SULF1: variants seen among roughly 807,000 people sequenced by gnomAD.
SULF1 encodes sulfatase 1.
SULF1 carries 46 observed loss-of-function variants against 110.5 expected under a neutral mutation model. That is an observed-to-expected ratio of 0.42 (90% CI 0.33 to 0.53). The LOEUF (loss-of-function observed/expected upper bound fraction) is 0.53, where lower values mean the gene tolerates loss of function less well. Among genes scored for constraint, SULF1 ranks in the 20% least tolerant of loss-of-function variants. The pLI is 0.12. For synonymous variants in SULF1, 371 were observed against 387.1 expected (o/e 0.96, Z 0.49); for missense variants, 941 against 1,094.2 (o/e 0.86, Z 1.98).
intron 19 of SULF1, among the ~76,000 whole-genome samples, chr8:69,635,553 T>C (rs1190838905): frequency 6.6e-6 from 1 of 152,226 alleles, no homozygotes; most frequent in East Asian, 1.9e-4. Flanking sequence ...TGATACTACA[T>C]AGGATAGCAG....
At chr8:69,485,257 G>T (rs536693375) in intron 1 of SULF1, among the ~76,000 whole-genome samples, 2 of 152,056 alleles carry the variant, frequency 1.3e-5, no homozygotes, top group Admixed American at 1.3e-4. Flanking sequence ...TTTACCTACC[G>T]CCCTTCCCAC....
chr8:69,633,474 G>A (rs189088584), intron 19 of SULF1, among the ~76,000 whole-genome samples: 47 of 151,354 alleles, frequency 3.1e-4, no homozygotes, highest in African/African-American at 9.2e-4. Flanking sequence ...GATTACAGGC[G>A]GCCACCACCA....
chr8:69,604,924 C>A lies in SULF1; in HGVS notation c.1369C>A (p.Pro457Thr). The change falls in exon 13 of 23, where the codon CCG (proline) becomes ACG (threonine). Residue 457 changes from proline (P) to threonine (T), a missense_variant. Pro to Thr is a conservative substitution (Grantham distance 38). Coordinates refer to ENST00000402687, the MANE Select transcript of SULF1 (RefSeq NM_001128205.2). ...QARYQTACEQ[P>T]GQKWQCIEDT... is the part of the protein sequence containing the mutation. ...CAGGTACCAGACAGCCTGTGAACAA[C>A]CGGGGCAGGTGAGTGACGCAGGCTT... The A allele has an allele frequency of 1.9e-6, 3 of 1,614,148 alleles. No homozygotes were observed. Among genetic ancestry groups the A allele is most frequent in the Non-Finnish European group, 1.7e-6 (2 of 1,180,018 alleles).
intron 13 of SULF1, among the ~76,000 whole-genome samples, chr8:69,611,513 T>G (rs1808654565): frequency 6.6e-6 from 1 of 152,142 alleles, no homozygotes; most frequent in South Asian, 2.1e-4. Flanking sequence ...TAATTCATAT[T>G]TGTGAGAGAA....
intron 5 of SULF1, among the ~76,000 whole-genome samples, chr8:69,565,579 C>G (rs1336930040): frequency 1.3e-5 from 2 of 152,110 alleles, no homozygotes; most frequent in Non-Finnish European, 2.9e-5. Flanking sequence ...CTCATCTTTC[C>G]CAGTTTTTCC....
intron 21 of SULF1, among the ~76,000 whole-genome samples, chr8:69,640,005 C>T (rs1448705469): frequency 6.6e-6 from 1 of 151,892 alleles, no homozygotes; most frequent in East Asian, 1.9e-4. Flanking sequence ...GTCACTGACC[C>T]CACTCGGCTC....
chr8:69,527,310 A>G (rs962327095), intron 3 of SULF1, among the ~76,000 whole-genome samples: 2 of 152,142 alleles, frequency 1.3e-5, no homozygotes, highest in Non-Finnish European at 2.9e-5. Flanking sequence ...AAATAACACT[A>G]GCAGACAGAT....
At position 69,523,057 on chromosome 8, in the gene SULF1, C is replaced by T. The variant is rs1462014893; in HGVS notation, c.-134+21089C>T. On this transcript the variant is annotated intron_variant, in intron 3 of 22. Coordinates refer to ENST00000402687, the MANE Select transcript of SULF1 (RefSeq NM_001128205.2). The stretch of plus-strand genomic sequence containing the variant: ...ATAACCACCTGTTTATATGGTAACA[C>T]GAGTGATATAATTTTGAGGAGAAGC... 2.6e-5 allele frequency among the ~76,000 whole-genome samples: 4 copies of T among 151,998 alleles called. No homozygotes were observed. In the East Asian group the frequency reaches 7.7e-4, roughly 29 times the overall value.
chr8:69,624,686 C>T (rs918388742), intron 15 of SULF1, among the ~76,000 whole-genome samples: 12 of 152,154 alleles, frequency 7.9e-5, no homozygotes, highest in Admixed American at 2.6e-4. Context: ...AGAGACGCTT[C>T]CAGAGAGATG....
intron 3 of SULF1, among the ~76,000 whole-genome samples, chr8:69,506,811 G>A (rs1811229086): frequency 6.6e-6 from 1 of 152,166 alleles, no homozygotes; most frequent in South Asian, 2.1e-4. Flanking sequence ...ATGAGGGTGG[G>A]GACTGGGGGA....
rs111925567 is a variant in SULF1, at chr8:69,645,165, C to T, written c.2585+4324C>T. ...TAGGCACCAAAATCCAGCCAAAGCT[C>T]GGCCATGAGAGCTGGGTAGCGGCAG... is the stretch of plus-strand genomic sequence containing the variant. On this transcript the variant is annotated intron_variant, in intron 22 of 22. Coordinates refer to ENST00000402687, the MANE Select transcript of SULF1 (RefSeq NM_001128205.2). Among the ~76,000 whole-genome samples the T allele has an allele frequency of 6.7e-3, 1,021 of 152,250 alleles. 16 individuals are homozygous for T. Among genetic ancestry groups the T allele is most frequent in the African/African-American group, 0.024 (982 of 41,558 alleles).
intron 3 of SULF1, among the ~76,000 whole-genome samples, chr8:69,520,208 TATC>T (rs1421515394): frequency 6.6e-6 from 1 of 151,930 alleles, no homozygotes; most frequent in Admixed American, 6.6e-5. Flanking sequence ...ATATTGTTAT[TATC>T]AATCACACAG....
rs889466589 is a variant in SULF1, at chr8:69,659,014, G to A, written c.*479G>A. The A allele has an allele frequency of 4.2e-5, 19 of 457,186 alleles. No individual in the cohort carries two copies. The highest frequency in any genetic ancestry group is 1.6e-4 in the African/African-American group (8 of 50,116). 28.3% of individuals were successfully genotyped at this position (457,186 alleles called of 1,614,324 possible). ...TGAAGAGACTAATCATCTGGAAACCGATTTCAGTGGCGATGGCATGACAGA... is the reference window on the plus strand; with the variant it reads ...TGAAGAGACTAATCATCTGGAAACCAATTTCAGTGGCGATGGCATGACAGA... On this transcript the variant is annotated 3_prime_UTR_variant, in exon 23 of 23. Coordinates refer to ENST00000402687, the MANE Select transcript of SULF1 (RefSeq NM_001128205.2).
chr8:69,568,927 G>A (rs979146124), intron 5 of SULF1, among the ~76,000 whole-genome samples: 15 of 152,072 alleles, frequency 9.9e-5, no homozygotes, highest in African/African-American at 3.4e-4. Context: ...TAGGAGATGC[G>A]TTATTTATTC....
At chr8:69,522,665 G>A (rs1812388561) in intron 3 of SULF1, among the ~76,000 whole-genome samples, 1 of 152,196 alleles carries the variant, frequency 6.6e-6, no homozygotes, top group Non-Finnish European at 1.5e-5. Flanking sequence ...TCAAAGAGAA[G>A]AGGAGAGAAG....
intron 3 of SULF1, among the ~76,000 whole-genome samples, chr8:69,506,440 C>T (rs1811203710): frequency 6.6e-6 from 1 of 152,158 alleles, no homozygotes; most frequent in Admixed American, 6.5e-5. Flanking sequence ...AGATTTGCAC[C>T]CATGTATGTA....
intron 13 of SULF1, among the ~76,000 whole-genome samples, chr8:69,608,650 A>G (rs1039272763): frequency 1.3e-5 from 2 of 152,078 alleles, no homozygotes; most frequent in African/African-American, 4.8e-5. Context: ...TTACCATTGC[A>G]CTCCAGCCTG....
At chr8:69,473,397 A>G (rs987079345) in intron 1 of SULF1, 20 of 152,210 alleles carry the variant, frequency 1.3e-4, no homozygotes, top group Non-Finnish European at 7.3e-5. Flanking sequence ...AAAAGTTTTA[A>G]TTGTAAAAGG....
At chr8:69,624,290 G>GC in intron 15 of SULF1, 93 bp downstream of exon 15, 1 of 1,491,628 alleles carries the variant, frequency 6.7e-7, no homozygotes, top group South Asian at 1.4e-5. Flanking sequence ...CAAAAAAGCA[G>GC]TATCACTTGG....
Sources: allele counts gnomAD v4.1 joint callset (sites outside exome capture counted in the v4.1 genomes callset), GRCh38; gene constraint gnomAD v4.1.1; transcripts MANE v1.5; gene names NCBI Gene and HGNC (gene_info 2026-07-23, HGNC 2026-07-21).